C1QTNF3: variants seen among roughly 807,000 people sequenced by gnomAD.
C1QTNF3 encodes C1q and TNF related 3.
In C1QTNF3, 26 loss-of-function variants were observed where a neutral mutation model predicts 32.6. The ratio of observed to expected loss-of-function variants is 0.80; its 90% CI spans 0.58 to 1.11. C1QTNF3 has a LOEUF of 1.11. C1QTNF3 is among the 50% of genes least tolerant of loss of function. The pLI, the probability that C1QTNF3 is intolerant of heterozygous loss-of-function variation, is 0.00. For synonymous variants in C1QTNF3, 155 were observed against 146.0 expected, an observed-to-expected ratio of 1.06 and a Z score of -0.44; for missense variants, 362 against 398.2, an observed-to-expected ratio of 0.91 and a Z score of 0.77.
the C1QTNF3 span, among the ~76,000 whole-genome samples, chr5:34,094,460 G>T: frequency 6.6e-6 from 1 of 151,872 alleles, no homozygotes; most frequent in Non-Finnish European, 1.5e-5. Flanking sequence ...TTAAAATAGA[G>T]CAAGTCCTAT....
At chr5:34,207,474 C>T in the C1QTNF3 span, among the ~76,000 whole-genome samples, 1 of 152,050 alleles carries the variant, frequency 6.6e-6, no homozygotes, top group Non-Finnish European at 1.5e-5. Context: ...TGGTTGTTCA[C>T]TTTTTAGAAA....
chr5:34,235,546 CTTTTT>C, the C1QTNF3 span, among the ~76,000 whole-genome samples: 2 of 103,926 alleles, frequency 1.9e-5, no homozygotes, highest in African/African-American at 3.6e-5. Context: ...ATTTCTTTTT[CTTTTT>C]TTTTTTTTTT....
chr5:34,029,364 TC>T (rs796656007), intron 3 of C1QTNF3, among the ~76,000 whole-genome samples: 10 of 152,144 alleles, frequency 6.6e-5, no homozygotes, highest in African/African-American at 2.2e-4. Flanking sequence ...GGTCTCAAAC[TC>T]CTAGGCTCAA....
At chr5:34,155,597 T>C in the C1QTNF3 span, among the ~76,000 whole-genome samples, 1 of 152,280 alleles carries the variant, frequency 6.6e-6, no homozygotes, top group African/African-American at 2.4e-5. Flanking sequence ...AAAGTTAGTT[T>C]AAAAAAGTCA....
the C1QTNF3 span, among the ~76,000 whole-genome samples, chr5:34,052,032 G>A: frequency 6.6e-6 from 1 of 152,240 alleles, no homozygotes; most frequent in South Asian, 2.1e-4. Flanking sequence ...CAGCTACTCG[G>A]GAGTCTGAGG....
In C1QTNF3 at chr5:34,040,565, C is replaced by T. The variant is rs537819211; in HGVS notation, c.303+2258G>A. 7.6e-4 allele frequency among the ~76,000 whole-genome samples: 116 copies of T among 152,284 alleles called. No homozygotes were observed. The Middle Eastern group carries it at 0.01, about 13-fold the overall frequency. On this transcript the variant is annotated intron_variant, in intron 1 of 5. Coordinates refer to ENST00000382065, the MANE Select transcript of C1QTNF3 (RefSeq NM_181435.6). The stretch of plus-strand genomic sequence containing the variant: ...CCACCCCAGATCTCTGGCCATTGTA[C>T]TCCACCATGAACCCACAGCTGGAGC...
the C1QTNF3 span, chr5:34,218,216 C>T: frequency 6.6e-6 from 1 of 152,314 alleles, no homozygotes; most frequent in Non-Finnish European, 1.5e-5. Context: ...ATTTACTGCT[C>T]CTTCAATGTT....
chr5:34,035,250 T>G (rs78974245), intron 2 of C1QTNF3, among the ~76,000 whole-genome samples: 3,613 of 151,986 alleles, frequency 0.024, 58 homozygotes, highest in Middle Eastern at 0.092. Context: ...AGGTCAAGAG[T>G]GGCATGAGAG....
the C1QTNF3 span, among the ~76,000 whole-genome samples, chr5:34,120,272 C>T: frequency 1.8e-4 from 27 of 152,254 alleles, no homozygotes; most frequent in African/African-American, 4.8e-4. Context: ...ATTTCCTGAA[C>T]TGACGTTTTT....
the C1QTNF3 span, among the ~76,000 whole-genome samples, chr5:34,078,921 A>G: frequency 1.3e-5 from 2 of 151,430 alleles, no homozygotes; most frequent in East Asian, 3.9e-4. This position sits in a 1 kb window ranked among gnomAD's most constrained non-coding sequence, Gnocchi z 4.0. Flanking sequence ...TGAGATCATC[A>G]TCTCCTTCTG....
the C1QTNF3 span, among the ~76,000 whole-genome samples, chr5:34,223,905 T>C: frequency 7.2e-5 from 11 of 151,990 alleles, no homozygotes; most frequent in African/African-American, 1.2e-4. Flanking sequence ...GAAAACCCCA[T>C]TGTCTCAGCC....
At chr5:34,240,845 C>T in the C1QTNF3 span, among the ~76,000 whole-genome samples, 2 of 152,104 alleles carry the variant, frequency 1.3e-5, no homozygotes, top group Admixed American at 6.5e-5. Context: ...CCACTGTTGA[C>T]GAACATAGAC....
At chr5:34,036,922 A>T (rs1433807856) in intron 1 of C1QTNF3, among the ~76,000 whole-genome samples, 1 of 152,196 alleles carries the variant, frequency 6.6e-6, no homozygotes, top group Non-Finnish European at 1.5e-5. Context: ...ATTGTACTCC[A>T]GCCTGGGCGA....
the C1QTNF3 span, among the ~76,000 whole-genome samples, chr5:34,234,946 T>C: frequency 3.3e-5 from 5 of 152,158 alleles, no homozygotes; most frequent in African/African-American, 1.2e-4. Context: ...CCAGTAGTTA[T>C]GTGGAAAACA....
chr5:34,020,967 T>C (rs1754313837), intron 5 of C1QTNF3, among the ~76,000 whole-genome samples: 1 of 152,230 alleles, frequency 6.6e-6, no homozygotes, highest in South Asian at 2.1e-4. Context: ...GGAATGTTCA[T>C]GACAATGACC....
intron 1 of C1QTNF3, among the ~76,000 whole-genome samples, chr5:34,036,714 G>A (rs1159136213): frequency 6.6e-6 from 1 of 152,174 alleles, no homozygotes; most frequent in Non-Finnish European, 1.5e-5. Flanking sequence ...CACTTTTGGA[G>A]GCCGAGGCAG....
At chr5:34,125,430 A>G in the C1QTNF3 span, among the ~76,000 whole-genome samples, 13 of 152,242 alleles carry the variant, frequency 8.5e-5, no homozygotes, top group African/African-American at 2.9e-4. Flanking sequence ...TTGAATTATT[A>G]CAATGCTTAT....
chr5:34,091,118 G>A, the C1QTNF3 span, among the ~76,000 whole-genome samples: 3 of 152,140 alleles, frequency 2.0e-5, no homozygotes, highest in African/African-American at 7.2e-5. Context: ...TAGGTTTTAG[G>A]AGAGCTGCAC....
the C1QTNF3 span, among the ~76,000 whole-genome samples, chr5:34,227,983 T>TC: frequency 2.0e-5 from 3 of 151,694 alleles, no homozygotes; most frequent in Non-Finnish European, 2.9e-5. Flanking sequence ...AAATCCTTTT[T>TC]TTTTTTTTTT....
Sources: allele counts gnomAD v4.1 joint callset (sites outside exome capture counted in the v4.1 genomes callset), GRCh38; gene constraint gnomAD v4.1.1; non-coding constraint Gnocchi (gnomAD v3.1); transcripts MANE v1.5; gene names NCBI Gene and HGNC (gene_info 2026-07-23, HGNC 2026-07-21).